KIF7: variants seen among roughly 807,000 people sequenced by gnomAD.
KIF7 encodes kinesin family member 7, also known as kinesin-like protein KIF7.
In KIF7, 104 loss-of-function variants were observed where a neutral mutation model predicts 135.7. That is an observed-to-expected ratio of 0.77 (90% confidence interval 0.65 to 0.90). The LOEUF is 0.90. Ranked by LOEUF, KIF7 falls within the 40% of genes least tolerant of loss-of-function variation. The pLI, the probability that KIF7 is intolerant of heterozygous loss-of-function variation, is 0.00. For missense variants in KIF7, 2,005 were observed against 1,839.1 expected (o/e 1.09, Z -1.65); for synonymous variants, 883 against 809.4 (o/e 1.09, Z -1.54).
upstream of KIF7, among the ~76,000 whole-genome samples, chr15:89,657,198 T>A (rs561049886): frequency 7.0e-4 from 106 of 150,460 alleles, 1 homozygote; most frequent in African/African-American, 2.5e-3. Flanking sequence ...CCCAGCTACT[T>A]GGGAGGTTGA....
At chr15:89,634,364 C>T (rs1191694648) in intron 11 of KIF7, among the ~76,000 whole-genome samples, 2 of 152,194 alleles carry the variant, frequency 1.3e-5, no homozygotes, top group Non-Finnish European at 2.9e-5. Context: ...CTACAGCTCC[C>T]AGCGTGAGTG....
intron 2 of KIF7, among the ~76,000 whole-genome samples, chr15:89,617,533 C>G (rs551041152): frequency 6.6e-6 from 1 of 152,170 alleles, no homozygotes; most frequent in South Asian, 2.1e-4. Flanking sequence ...CCATCTCACT[C>G]TTTTTCTGAG....
At chr15:89,640,749 G>A (rs896495345) in intron 11 of KIF7, among the ~76,000 whole-genome samples, 2 of 151,918 alleles carry the variant, frequency 1.3e-5, no homozygotes, top group Non-Finnish European at 2.9e-5. Flanking sequence ...CTTTTGGGAG[G>A]CCAAGATAAG....
intron 14 of KIF7, 102 bp downstream of exon 14, chr15:89,632,718 G>T: frequency 7.7e-7 from 1 of 1,295,636 alleles, no homozygotes; most frequent in Non-Finnish European, 1.1e-6. Context: ...ACCTCACCTG[G>T]CAGAAACTTA....
At position 89,628,968 on chromosome 15, in the gene KIF7, G is replaced by C; in HGVS notation, c.3664+8C>G. The C allele has an allele frequency of 6.2e-7, 1 of 1,613,858 alleles. No homozygotes were observed. The highest frequency in any genetic ancestry group is 8.5e-7 in the Non-Finnish European group (1 of 1,179,990). On this transcript the variant is annotated splice_region_variant and intron_variant, in intron 18 of 18. Transcript: ENST00000394412. The stretch of plus-strand genomic sequence containing the variant: ...CAGGTCTGACTTCAGAGCGCGACGA[G>C]GAGTTACCCCTGCTGTGGCCTACAG...
rs1963941342 is a variant in KIF7, at chr15:89,642,425, T to C, written c.2192-20A>G. 1 of 1,563,524 alleles carries C rather than the reference T, an allele frequency of 6.4e-7. No homozygotes were observed. The highest frequency in any genetic ancestry group is 8.7e-7 in the Non-Finnish European group (1 of 1,154,960). Reference sequence around the variant, plus strand: ...CCTTTCCTGGAAGAAAGCGGGAATGTCAGCACAGGCAGCCCTGCTCCACCG... The same window carrying C: ...CCTTTCCTGGAAGAAAGCGGGAATGCCAGCACAGGCAGCCCTGCTCCACCG... On this transcript the variant is annotated intron_variant, in intron 10 of 18. Coordinates refer to ENST00000394412, the MANE Select transcript of KIF7 (RefSeq NM_198525.3).
At chr15:89,654,049 G>A (rs1964167739) in intron 1 of KIF7, among the ~76,000 whole-genome samples, 1 of 152,186 alleles carries the variant, frequency 6.6e-6, no homozygotes, top group South Asian at 2.1e-4. Context: ...TTGCTCTGTT[G>A]CCCAGGCTGG....
chr15:89,617,838 C>T (rs1031810198), intron 2 of KIF7, among the ~76,000 whole-genome samples: 1 of 152,110 alleles, frequency 6.6e-6, no homozygotes, highest in Non-Finnish European at 1.5e-5. Context: ...ACTACAGGCG[C>T]ATGCCACCAC....
intron 12 of KIF7, 102 bp from the exon 13 acceptor site, chr15:89,633,368 G>T: frequency 6.8e-7 from 1 of 1,466,940 alleles, no homozygotes. Flanking sequence ...CCACTCCCAA[G>T]AGGGCCCTGC....
chr15:89,662,910 A>G, the KIF7 span, among the ~76,000 whole-genome samples: 1 of 152,206 alleles, frequency 6.6e-6, no homozygotes, highest in South Asian at 2.1e-4. Context: ...AGCAAAAAGA[A>G]ACTTATAACT....
chr15:89,651,167 T>TCG (rs2142033944), intron 2 of KIF7, among the ~76,000 whole-genome samples: 1 of 152,278 alleles, frequency 6.6e-6, no homozygotes, highest in South Asian at 2.1e-4. Flanking sequence ...TGGCCAGATC[T>TCG]CGGCTCACTG....
In KIF7 at chr15:89,631,699, C is replaced by G. The variant is rs750812056; in HGVS notation, c.2907G>C (p.Glu969Asp). ...KRLRSSQALN[E>D]DIVRVSSRLE... ...GCCGGCTGGACACTCGCACGATGTC[C>G]TCGTTGAGGGCCTGGGGGCAGAATC... The change falls in exon 15 of 19, where the codon GAG (glutamate) becomes GAC (aspartate). Residue 969 changes from glutamate (E) to aspartate (D), a missense_variant. Glu to Asp is a conservative substitution (Grantham distance 45). Transcript: ENST00000394412. 26 of 1,553,226 alleles carry G rather than the reference C, an allele frequency of 1.7e-5. No homozygotes were observed. Among genetic ancestry groups the G allele is most frequent in the Non-Finnish European group, 2.2e-5 (25 of 1,147,382 alleles).
downstream of KIF7, among the ~76,000 whole-genome samples, chr15:89,626,278 C>T (rs925542234): frequency 5.1e-4 from 77 of 152,314 alleles, no homozygotes; most frequent in African/African-American, 1.8e-3. Context: ...TGCTAAAATT[C>T]CTCGGTCCTC....
intron 2 of KIF7, among the ~76,000 whole-genome samples, chr15:89,651,168 C>T (rs1964117474): frequency 6.6e-6 from 1 of 151,988 alleles, no homozygotes. Context: ...GGCCAGATCT[C>T]GGCTCACTGC....
intron 1 of KIF7, among the ~76,000 whole-genome samples, chr15:89,618,988 T>C (rs1963379579): frequency 6.6e-6 from 1 of 152,140 alleles, no homozygotes. Context: ...GTATACATGA[T>C]GAAGGAGGGG....
intron 11 of KIF7, among the ~76,000 whole-genome samples, chr15:89,634,616 C>A (rs577341095): frequency 2.0e-5 from 3 of 152,200 alleles, no homozygotes; most frequent in Admixed American, 6.5e-5. Flanking sequence ...TGCGCTTTTC[C>A]GATGGGCTTA....
chr15:89,630,044 T>C, intron 16 of KIF7: 1 of 579,458 alleles, frequency 1.7e-6, no homozygotes, highest in Non-Finnish European at 3.1e-6. Context: ...AGAGCTACTA[T>C]TGTGGCCATG....
rs550130363 is a variant in KIF7 at position 89,640,726 on chromosome 15, T to C, written c.2394+1477A>G. 1.1e-4 allele frequency among the ~76,000 whole-genome samples: 17 copies of C among 151,778 alleles called. No homozygotes were observed. The South Asian group carries it at 3.5e-3, about 32-fold the overall frequency. The stretch of plus-strand genomic sequence containing the variant: ...TAGGCCAGGCACAGTGGCTCATGCC[T>C]GCAATCCCAGAACTTTTGGGAGGCC... On this transcript the variant is annotated intron_variant, in intron 11 of 18. Transcript: ENST00000394412.
At chr15:89,647,761 C>A in intron 5 of KIF7, 49 bp from the exon 6 acceptor site, 1 of 1,354,100 alleles carries the variant, frequency 7.4e-7, no homozygotes, top group Non-Finnish European at 1.0e-6. Context: ...ACAGGGCGAG[C>A]TGGACACCCG....
Sources: gnomAD v4.1 joint callset for allele counts (sites outside exome capture counted in the v4.1 genomes callset) on GRCh38, gnomAD v4.1.1 for gene constraint, MANE v1.5 for transcripts, NCBI Gene and HGNC (gene_info 2026-07-23, HGNC 2026-07-21) for gene names.